Variants in RCOR1 observed in about 807,000 individuals in gnomAD.
The protein encoded by RCOR1 is REST corepressor.
RCOR1 carries 12 observed loss-of-function variants against 64.0 expected under a neutral mutation model. The observed-to-expected ratio is 0.19, with a 90% CI of 0.12 to 0.30. RCOR1 has a LOEUF of 0.30. Among genes scored for constraint, RCOR1 ranks in the 10% least tolerant of loss-of-function variants. The pLI is 1.00. For missense variants in RCOR1, 502 were observed against 621.2 expected, an observed-to-expected ratio of 0.81 and a Z score of 2.04; for synonymous variants, 279 against 227.2, an observed-to-expected ratio of 1.23 and a Z score of -2.05.
At chr14:102,718,303 C>A (rs560292339) in intron 8 of RCOR1, among the ~76,000 whole-genome samples, 1 of 152,290 alleles carries the variant, frequency 6.6e-6, no homozygotes, top group South Asian at 2.1e-4. Context: ...TGGAGGTAAC[C>A]TGTCTGTCCC....
At chr14:102,657,981 T>G (rs1894760326) in intron 2 of RCOR1, 1 of 952,486 alleles carries the variant, frequency 1.0e-6, no homozygotes, top group Admixed American at 6.2e-5. Flanking sequence ...TTAATTTTTA[T>G]TTATTTATTT....
intron 2 of RCOR1, among the ~76,000 whole-genome samples, chr14:102,679,234 C>G (rs1353401374): frequency 6.6e-6 from 1 of 151,956 alleles, no homozygotes; most frequent in Non-Finnish European, 1.5e-5. Flanking sequence ...TTTAGAAATT[C>G]TATAATTTTT....
intron 2 of RCOR1, among the ~76,000 whole-genome samples, chr14:102,677,694 A>G (rs1295785533): frequency 1.5e-5 from 2 of 136,236 alleles, no homozygotes; most frequent in Non-Finnish European, 3.2e-5. Flanking sequence ...GCGGCCGGGC[A>G]GAGACGCTCC....
intron 4 of RCOR1, among the ~76,000 whole-genome samples, chr14:102,704,060 G>A (rs184142454): frequency 4.7e-4 from 72 of 152,376 alleles, no homozygotes; most frequent in African/African-American, 1.5e-3. Flanking sequence ...GGTGCAGGGA[G>A]AAAGCTCCTC....
At position 102,717,839 on chromosome 14, in the gene RCOR1, T is replaced by C. The variant is rs74084134; in HGVS notation, c.1054-3168T>C. On this transcript the variant is annotated intron_variant, in intron 8 of 11. Coordinates refer to ENST00000262241, the MANE Select transcript of RCOR1 (RefSeq NM_015156.4). ...AAAATTTGAAGGTCGCTCACAATTATGAAGAGGGAGGACTCAGCCTCACTC... is the reference window on the plus strand; with the variant it reads ...AAAATTTGAAGGTCGCTCACAATTACGAAGAGGGAGGACTCAGCCTCACTC... Among the ~76,000 whole-genome samples, 926 of 152,242 alleles carry C rather than the reference T, an allele frequency of 6.1e-3. 10 individuals are homozygous for C. The highest frequency in any genetic ancestry group is 0.021 in the African/African-American group (892 of 41,548).
intron 11 of RCOR1, among the ~76,000 whole-genome samples, 177 bp downstream of exon 11, chr14:102,722,593 G>A (rs1896187463): frequency 6.6e-6 from 1 of 152,150 alleles, no homozygotes; most frequent in Admixed American, 6.6e-5. Context: ...CTTGGTGCCT[G>A]TATATTATTC....
At chr14:102,604,039 C>T (rs992880821) in intron 2 of RCOR1, among the ~76,000 whole-genome samples, 5 of 152,102 alleles carry the variant, frequency 3.3e-5, no homozygotes, top group African/African-American at 1.2e-4. Flanking sequence ...ACATTCCTGA[C>T]TGGAGACTGT....
Position 102,730,520 on chromosome 14 carries a change from C to T in RCOR1, c.*4014C>T, listed in dbSNP as rs1896351198. ...TTCATTTTTCTATTTCCAATATTTG[C>T]TGAGGTTAAATAAAAATTTTCAAGC... On this transcript the variant is annotated 3_prime_UTR_variant, in exon 12 of 12. Transcript: ENST00000262241. The T allele has an allele frequency of 6.6e-6, 1 of 152,586 alleles. No homozygotes were observed. Among genetic ancestry groups the T allele is most frequent in the African/African-American group, 2.4e-5 (1 of 41,388 alleles). The allele number at this position is 152,586 out of a possible 1,614,324, so 9.5% of individuals were successfully genotyped here. A position where few individuals can be genotyped will look rare whatever the true frequency, so the allele number is the denominator to read the frequency against.
At chr14:102,651,027 A>G in intron 2 of RCOR1, 1 of 968,934 alleles carries the variant, frequency 1.0e-6, no homozygotes, top group African/African-American at 1.8e-5. Context: ...TTAAAACACT[A>G]ACTCCTAATT....
intron 2 of RCOR1, among the ~76,000 whole-genome samples, chr14:102,605,373 A>G (rs1182874575): frequency 6.6e-6 from 1 of 152,200 alleles, no homozygotes; most frequent in Non-Finnish European, 1.5e-5. Flanking sequence ...TAGAAGAGCC[A>G]TTTATTTTGA....
chr14:102,686,560 A>G (rs1487151019), intron 3 of RCOR1, among the ~76,000 whole-genome samples: 1 of 152,214 alleles, frequency 6.6e-6, no homozygotes. Flanking sequence ...TCATCGTTTC[A>G]CTGGTTTAAG....
chr14:102,645,460 G>C (rs140315167), intron 2 of RCOR1, among the ~76,000 whole-genome samples: 1 of 152,080 alleles, frequency 6.6e-6, no homozygotes, highest in Non-Finnish European at 1.5e-5. Flanking sequence ...CCACTACTTA[G>C]ACAACAGGGG....
intron 2 of RCOR1, among the ~76,000 whole-genome samples, chr14:102,619,010 G>C (rs1893818530): frequency 6.6e-6 from 1 of 152,180 alleles, no homozygotes; most frequent in Non-Finnish European, 1.5e-5. Context: ...AGATGCTTAG[G>C]GAGGTGATTG....
At chr14:102,613,493 C>T (rs1204178489) in intron 2 of RCOR1, among the ~76,000 whole-genome samples, 2 of 144,566 alleles carry the variant, frequency 1.4e-5, no homozygotes, top group East Asian at 2.1e-4. Context: ...AGTGCTGTGG[C>T]GCGATCTCTG....
At chr14:102,638,054 G>T (rs531594668) in intron 2 of RCOR1, among the ~76,000 whole-genome samples, 1 of 152,138 alleles carries the variant, frequency 6.6e-6, no homozygotes, top group Non-Finnish European at 1.5e-5. Flanking sequence ...ACTTCCCCCA[G>T]ATTGCAGATT....
intron 3 of RCOR1, among the ~76,000 whole-genome samples, chr14:102,692,994 G>A (rs1895569354): frequency 6.6e-6 from 1 of 151,908 alleles, no homozygotes; most frequent in South Asian, 2.1e-4. Context: ...TTGAATTCCT[G>A]ACCTCAAGTG....
At chr14:102,665,664 A>G (rs1055596042) in intron 2 of RCOR1, among the ~76,000 whole-genome samples, 7 of 152,184 alleles carry the variant, frequency 4.6e-5, no homozygotes, top group Non-Finnish European at 1.0e-4. Context: ...AAGTGGTTAA[A>G]ATGGGATACA....
At chr14:102,655,583 A>G in intron 2 of RCOR1, 1 of 703,748 alleles carries the variant, frequency 1.4e-6, no homozygotes, top group South Asian at 6.4e-5. Context: ...TCTGGCACAT[A>G]ATAGGTGATC....
At chr14:102,652,388 C>T (rs1479092836) in intron 2 of RCOR1, among the ~76,000 whole-genome samples, 4 of 152,202 alleles carry the variant, frequency 2.6e-5, no homozygotes, top group African/African-American at 9.6e-5. Context: ...TGCCCAGTTA[C>T]GTGAATGGAA....
Sources: gnomAD v4.1 joint callset for allele counts (sites outside exome capture counted in the v4.1 genomes callset) on GRCh38, gnomAD v4.1.1 for gene constraint, MANE v1.5 for transcripts, NCBI Gene and HGNC (gene_info 2026-07-23, HGNC 2026-07-21) for gene names.